Variants in ZNF385B observed in about 807,000 individuals in gnomAD.
The protein encoded by ZNF385B is zinc finger protein 385B, also known as zinc finger protein 533.
In ZNF385B, 23 loss-of-function variants were observed where a neutral mutation model predicts 39.2. The ratio of observed to expected loss-of-function variants is 0.59; its 90% confidence interval spans 0.42 to 0.83. The LOEUF (loss-of-function observed/expected upper bound fraction) is 0.83, where lower values mean the gene tolerates loss of function less well. Ranked by LOEUF, ZNF385B falls within the 40% of genes least tolerant of loss-of-function variation. The probability of loss-of-function intolerance (pLI) is 0.00; values close to 1 mark genes in which losing one functional copy is unlikely to be tolerated. For missense variants in ZNF385B, 552 were observed against 598.9 expected (o/e 0.92, Z 0.82); for synonymous variants, 205 against 222.6 (o/e 0.92, Z 0.70).
intron 3 of ZNF385B, among the ~76,000 whole-genome samples, chr2:179,645,673 T>C (rs1480325296): frequency 6.6e-6 from 1 of 152,116 alleles, no homozygotes; most frequent in Non-Finnish European, 1.5e-5. Context: ...TCCATCCTCA[T>C]CTCAGGTCCT....
chr2:179,550,331 A>G (rs2060488550), intron 3 of ZNF385B, among the ~76,000 whole-genome samples: 2 of 149,476 alleles, frequency 1.3e-5, no homozygotes, highest in Admixed American at 1.3e-4. Flanking sequence ...GGTGAGAGTC[A>G]CTTTGTAATA....
chr2:179,810,233 C>T (rs1055784905), intron 1 of ZNF385B, among the ~76,000 whole-genome samples: 2 of 151,412 alleles, frequency 1.3e-5, no homozygotes, highest in Admixed American at 6.6e-5. Context: ...AAAGGAAGGA[C>T]GTTAAGCATA....
intron 1 of ZNF385B, among the ~76,000 whole-genome samples, chr2:179,852,907 G>C (rs114419480): frequency 6.6e-6 from 1 of 152,150 alleles, no homozygotes; most frequent in Admixed American, 6.6e-5. Flanking sequence ...GAACCAGCTT[G>C]ATGACCACAT....
At chr2:179,596,988 C>T (rs1489228384) in intron 3 of ZNF385B, among the ~76,000 whole-genome samples, 1 of 152,138 alleles carries the variant, frequency 6.6e-6, no homozygotes, top group East Asian at 1.9e-4. Context: ...GAGACAATTC[C>T]ACTAAGCCTT....
chr2:179,784,138 AGCT>A (rs1433689912), intron 1 of ZNF385B, among the ~76,000 whole-genome samples: 1 of 152,186 alleles, frequency 6.6e-6, no homozygotes, highest in African/African-American at 2.4e-5. Flanking sequence ...AATATTATGC[AGCT>A]GTAAAAAAGA....
intron 4 of ZNF385B, chr2:179,536,595 T>C (rs1477238344): frequency 6.6e-6 from 1 of 152,206 alleles, no homozygotes; most frequent in Admixed American, 6.5e-5. Context: ...TTTAGGCAGC[T>C]TTTATGAAAT....
intron 3 of ZNF385B, among the ~76,000 whole-genome samples, chr2:179,603,694 G>A (rs1574955834): frequency 1.3e-5 from 2 of 152,250 alleles, no homozygotes; most frequent in South Asian, 4.1e-4. Flanking sequence ...GTTGACCCAT[G>A]ATAAAAACAG....
At position 179,564,049 on chromosome 2, in the gene ZNF385B, T is replaced by G. The variant is rs113626757; in HGVS notation, c.299-19080A>C. ...ACATATTTTTAGTTTAGTTCAGTAG[T>G]ACACAAAGTGTGGTCCTCAGACCAG... On this transcript the variant is annotated intron_variant, in intron 3 of 9. Coordinates refer to ENST00000410066, the MANE Select transcript of ZNF385B (RefSeq NM_152520.6). 2.7e-3 allele frequency among the ~76,000 whole-genome samples: 408 copies of G among 152,318 alleles called. 3 individuals carry two copies. The highest frequency in any genetic ancestry group is 9.2e-3 in the African/African-American group (383 of 41,576).
rs540821487 is a variant in ZNF385B at position 179,679,701 on chromosome 2, G to A, written c.298+89802C>T. 9.6e-4 allele frequency among the ~76,000 whole-genome samples: 146 copies of A among 152,178 alleles called. 1 individual carries two copies. The highest frequency in any genetic ancestry group is 3.2e-3 in the African/African-American group (134 of 41,518). On this transcript the variant is annotated intron_variant, in intron 3 of 9. Transcript: ENST00000410066. ...GATTCCTATGCTTTCGACCCATGGC[G>A]GGGTCACTAAGTCAGGTGAATCACC...
intron 3 of ZNF385B, among the ~76,000 whole-genome samples, chr2:179,701,687 C>T (rs1001648262): frequency 2.6e-5 from 4 of 152,094 alleles, no homozygotes; most frequent in African/African-American, 9.7e-5. Flanking sequence ...CATATTGTTC[C>T]TCAGAAATGC....
intron 3 of ZNF385B, among the ~76,000 whole-genome samples, chr2:179,577,672 C>T (rs1047083584): frequency 2.6e-5 from 4 of 151,814 alleles, no homozygotes; most frequent in South Asian, 2.1e-4. Context: ...AAACTATAAT[C>T]GCTTTTTACA....
At chr2:179,775,542 A>G (rs750686175) in intron 1 of ZNF385B, among the ~76,000 whole-genome samples, 5 of 152,174 alleles carry the variant, frequency 3.3e-5, no homozygotes, top group Non-Finnish European at 5.9e-5. Flanking sequence ...ATTGAGTGCT[A>G]GTGAAATAGA....
intron 3 of ZNF385B, among the ~76,000 whole-genome samples, chr2:179,547,584 T>C (rs1013610206): frequency 1.3e-5 from 2 of 149,454 alleles, no homozygotes; most frequent in African/African-American, 5.1e-5. Context: ...TGTGTCTGTT[T>C]TTATGCCAGT....
At chr2:179,566,521 A>G (rs1684595820) in intron 3 of ZNF385B, among the ~76,000 whole-genome samples, 1 of 152,250 alleles carries the variant, frequency 6.6e-6, no homozygotes, top group South Asian at 2.1e-4. Flanking sequence ...GAAAGCCATA[A>G]CCTGAAGCCA....
rs757018228 is a variant in ZNF385B at position 179,461,092 on chromosome 2, C to T, written c.716-14322G>A. On this transcript the variant is annotated intron_variant, in intron 6 of 9. Coordinates refer to ENST00000410066, the MANE Select transcript of ZNF385B (RefSeq NM_152520.6). The stretch of plus-strand genomic sequence containing the variant: ...CATAGTAAGTCTAAAAACCTTGAAG[C>T]GGGAACAAACAAGGACAAGAAAGTC... 1.1e-4 allele frequency among the ~76,000 whole-genome samples: 16 copies of T among 151,916 alleles called. No individual in the cohort carries two copies. In the South Asian group the frequency reaches 1.2e-3, roughly 12 times the overall value.
intron 5 of ZNF385B, among the ~76,000 whole-genome samples, chr2:179,493,748 T>TATATAC (rs2055733082): frequency 8.0e-6 from 1 of 125,076 alleles, no homozygotes; most frequent in Non-Finnish European, 1.7e-5. Flanking sequence ...TATACATATG[T>TATATAC]GTATATACAT....
At chr2:179,630,178 C>T (rs1001279061) in intron 3 of ZNF385B, among the ~76,000 whole-genome samples, 4 of 152,246 alleles carry the variant, frequency 2.6e-5, no homozygotes, top group Admixed American at 2.0e-4. Flanking sequence ...CCAAGCATGG[C>T]GTTTGAGCTC....
chr2:179,652,842 G>A (rs1693320310), intron 3 of ZNF385B, among the ~76,000 whole-genome samples: 4 of 39,704 alleles, frequency 1.0e-4, no homozygotes, highest in Non-Finnish European at 1.1e-4. Context: ...ATTGAGCAAA[G>A]CACCAAAAAA....
intron 3 of ZNF385B, among the ~76,000 whole-genome samples, chr2:179,551,333 G>A (rs746474354): frequency 7.2e-5 from 11 of 152,006 alleles, no homozygotes; most frequent in Non-Finnish European, 1.0e-4. Flanking sequence ...GTGGTCACAG[G>A]AGAATAGAAA....
Sources: allele counts gnomAD v4.1 joint callset (sites outside exome capture counted in the v4.1 genomes callset), GRCh38; gene constraint gnomAD v4.1.1; transcripts MANE v1.5; gene names NCBI Gene and HGNC (gene_info 2026-07-23, HGNC 2026-07-21).